Variants in MYO5A observed in about 807,000 individuals in gnomAD.
The protein encoded by MYO5A is myosin VA.
MYO5A carries 98 observed loss-of-function variants against 249.7 expected under a neutral mutation model. The observed-to-expected ratio is 0.39, with a 90% CI of 0.33 to 0.46. The LOEUF (loss-of-function observed/expected upper bound fraction) is 0.46. Ranked by LOEUF, MYO5A falls within the 20% of genes least tolerant of loss-of-function variation. The probability of loss-of-function intolerance (pLI) is 0.98; values close to 1 mark genes in which losing one functional copy is unlikely to be tolerated. For missense variants in MYO5A, 1,696 were observed against 2,308.8 expected (o/e 0.73, Z 5.44); for synonymous variants, 778 against 810.6 (o/e 0.96, Z 0.68).
At chr15:52,436,644 G>A (rs1245852617) in intron 1 of MYO5A, among the ~76,000 whole-genome samples, 1 of 152,164 alleles carries the variant, frequency 6.6e-6, no homozygotes, top group Non-Finnish European at 1.5e-5. Context: ...TAGAACATAA[G>A]TTCTGTGTCT....
At chr15:52,515,452 C>G (rs2077477498) in intron 1 of MYO5A, among the ~76,000 whole-genome samples, 1 of 152,040 alleles carries the variant, frequency 6.6e-6, no homozygotes, top group Non-Finnish European at 1.5e-5. Flanking sequence ...TGTCATTCAC[C>G]AGACAGGAAA....
intron 1 of MYO5A, among the ~76,000 whole-genome samples, chr15:52,509,638 A>C (rs2077349767): frequency 6.6e-6 from 1 of 152,224 alleles, no homozygotes; most frequent in African/African-American, 2.4e-5. Flanking sequence ...CTAAAATATG[A>C]CAGCTGTAAA....
Position 52,345,080 on chromosome 15 carries a change from G to A in MYO5A, c.3959+1281C>T, listed in dbSNP as rs568429218. Among the ~76,000 whole-genome samples the A allele has an allele frequency of 2.0e-5, 3 of 152,230 alleles. No individual in the cohort carries two copies. The East Asian group carries it at 5.8e-4, about 29-fold the overall frequency. ...GCACAGTCATCCTTCAATATCCATT[G>A]GGTTCCAGGTCCTCCCTTGGATAGC... On this transcript the variant is annotated intron_variant, in intron 30 of 41. Transcript: ENST00000399233.
intron 1 of MYO5A, among the ~76,000 whole-genome samples, chr15:52,480,029 C>G (rs2076683303): frequency 6.6e-6 from 1 of 152,228 alleles, no homozygotes; most frequent in African/African-American, 2.4e-5. Context: ...CGTGACTGAT[C>G]TAAGCAATGC....
At chr15:52,460,707 G>A (rs966909428) in intron 1 of MYO5A, among the ~76,000 whole-genome samples, 29 of 152,116 alleles carry the variant, frequency 1.9e-4, no homozygotes, top group African/African-American at 7.0e-4. Flanking sequence ...TAGCGTTATA[G>A]CTTAAAGAAG....
At chr15:52,335,149 G>A (rs768099996) in intron 34 of MYO5A, among the ~76,000 whole-genome samples, 8 of 152,278 alleles carry the variant, frequency 5.3e-5, no homozygotes, top group Non-Finnish European at 1.2e-4. Flanking sequence ...ATGATTAACC[G>A]TTCACACAGG....
intron 24 of MYO5A, among the ~76,000 whole-genome samples, chr15:52,361,037 ACACC>A (rs2040496087): frequency 6.6e-6 from 1 of 152,124 alleles, no homozygotes; most frequent in South Asian, 2.1e-4. Context: ...TTCCCTTCCA[ACACC>A]CAGGCTTATG....
chr15:52,312,540 T>A lies in MYO5A; in HGVS notation c.*1156A>T, dbSNP rs1048264588. On this transcript the variant is annotated 3_prime_UTR_variant, in exon 42 of 42. Coordinates refer to ENST00000399233, the MANE Select transcript of MYO5A (RefSeq NM_001382347.1). Reference sequence around the variant, plus strand: ...GCCCGGCTAATTTTTGTATTTTTAGTAGAGACAGGGTTTCGCCATGTTGGC... The same window carrying A: ...GCCCGGCTAATTTTTGTATTTTTAGAAGAGACAGGGTTTCGCCATGTTGGC... 1 of 152,224 alleles carries A rather than the reference T, an allele frequency of 6.6e-6. No homozygotes were observed. The highest frequency in any genetic ancestry group is 2.4e-5 in the African/African-American group (1 of 41,430). 9.4% of individuals were successfully genotyped at this position (152,224 alleles called of 1,614,324 possible). A position where few individuals can be genotyped will look rare whatever the true frequency, so the allele number is the denominator to read the frequency against.
chr15:52,372,089 A>G, intron 21 of MYO5A, 35 bp downstream of exon 21: 1 of 1,612,728 alleles, frequency 6.2e-7, no homozygotes, highest in Non-Finnish European at 8.5e-7. Flanking sequence ...TTCTTCAGGC[A>G]TACTCCACTC....
intron 1 of MYO5A, among the ~76,000 whole-genome samples, chr15:52,518,249 G>C (rs1358590906): frequency 7.9e-6 from 1 of 127,002 alleles, no homozygotes; most frequent in Non-Finnish European, 1.6e-5. Context: ...ATACACAGGA[G>C]AGCCACCCCT....
intron 30 of MYO5A, among the ~76,000 whole-genome samples, 162 bp downstream of exon 30, chr15:52,346,199 G>C (rs2039619314): frequency 1.3e-5 from 2 of 152,124 alleles, no homozygotes; most frequent in Non-Finnish European, 1.5e-5. Flanking sequence ...TTATAATGAA[G>C]ATCTTAACTA....
chr15:52,479,251 T>TA (rs2076665333), intron 1 of MYO5A, among the ~76,000 whole-genome samples: 1 of 152,156 alleles, frequency 6.6e-6, no homozygotes, highest in Admixed American at 6.5e-5. Flanking sequence ...GTGCTGGTAT[T>TA]ACAGGAGTGA....
At chr15:52,412,073 T>C (rs17707705) in intron 5 of MYO5A, among the ~76,000 whole-genome samples, 22,748 of 152,218 alleles carry the variant, frequency 0.15, 1,818 homozygotes, top group Middle Eastern at 0.22. Flanking sequence ...AATGCAGACT[T>C]TTCTCTCAAC....
At chr15:52,390,276 T>C (rs1395430340) in intron 12 of MYO5A, among the ~76,000 whole-genome samples, 1 of 152,170 alleles carries the variant, frequency 6.6e-6, no homozygotes, top group Non-Finnish European at 1.5e-5. Flanking sequence ...GGATTGTTTG[T>C]AACACAAAAG....
At chr15:52,325,687 C>T (rs116507319) in intron 36 of MYO5A, among the ~76,000 whole-genome samples, 6 of 152,008 alleles carry the variant, frequency 3.9e-5, no homozygotes, top group Non-Finnish European at 7.4e-5. Flanking sequence ...CAGGTGTGAG[C>T]CACAGCACCC....
intron 1 of MYO5A, among the ~76,000 whole-genome samples, chr15:52,501,752 A>G (rs1226540552): frequency 6.6e-6 from 1 of 152,132 alleles, no homozygotes; most frequent in Non-Finnish European, 1.5e-5. Flanking sequence ...AAGTATTAAT[A>G]GAAAATGAAA....
intron 1 of MYO5A, among the ~76,000 whole-genome samples, chr15:52,482,283 T>G (rs939267107): frequency 1.3e-5 from 2 of 152,222 alleles, no homozygotes; most frequent in African/African-American, 4.8e-5. Context: ...CCTGACCTTC[T>G]TCATGGCATC....
chr15:52,393,222 A>G (rs2042331077), intron 11 of MYO5A, among the ~76,000 whole-genome samples: 1 of 152,044 alleles, frequency 6.6e-6, no homozygotes, highest in Admixed American at 6.6e-5. Context: ...TGGGAAGAAA[A>G]GACTTTCGTG....
At chr15:52,445,876 C>T (rs1344805601) in intron 1 of MYO5A, among the ~76,000 whole-genome samples, 1 of 152,076 alleles carries the variant, frequency 6.6e-6, no homozygotes, top group African/African-American at 2.4e-5. Flanking sequence ...AGATGTGGCC[C>T]GACTGCTTCG....
Sources: gnomAD v4.1 joint callset for allele counts (sites outside exome capture counted in the v4.1 genomes callset) on GRCh38, gnomAD v4.1.1 for gene constraint, MANE v1.5 for transcripts, NCBI Gene and HGNC (gene_info 2026-07-23, HGNC 2026-07-21) for gene names.